Variants in USP54 observed in about 807,000 individuals in gnomAD.
USP54 encodes ubiquitin specific peptidase 54.
Under a neutral mutation model 170.5 loss-of-function variants are expected in USP54, and 87 were observed. The observed-to-expected ratio is 0.51, with a 90% confidence interval of 0.43 to 0.61. The LOEUF (loss-of-function observed/expected upper bound fraction) is 0.61, where lower values mean the gene tolerates loss of function less well. Among genes scored for constraint, USP54 ranks in the 20% least tolerant of loss-of-function variants. The pLI is 0.00. For missense variants in USP54, 1,786 were observed against 2,047.8 expected (o/e 0.87, Z 2.47); for synonymous variants, 655 against 742.8 (o/e 0.88, Z 1.92).
chr10:73,502,254 A>G (rs776261855), intron 22 of USP54, among the ~76,000 whole-genome samples: 1 of 152,190 alleles, frequency 6.6e-6, no homozygotes, highest in Non-Finnish European at 1.5e-5. Flanking sequence ...CATTTATCAT[A>G]CTGCCTAAGG....
intron 15 of USP54, 193 bp downstream of exon 15, chr10:73,529,487 A>G (rs745531006): frequency 3.0e-6 from 2 of 673,682 alleles, no homozygotes; most frequent in Non-Finnish European, 5.3e-6. Context: ...TTTCAAATAG[A>G]AAGTTCTCTC....
At chr10:73,572,357 T>G (rs1055761739) in intron 3 of USP54, among the ~76,000 whole-genome samples, 1 of 152,128 alleles carries the variant, frequency 6.6e-6, no homozygotes, top group African/African-American at 2.4e-5. Context: ...AGGTAAAAAC[T>G]AAGGAAATCT....
chr10:73,549,277 T>G (rs1461819890), intron 4 of USP54, among the ~76,000 whole-genome samples: 1 of 152,154 alleles, frequency 6.6e-6, no homozygotes, highest in Non-Finnish European at 1.5e-5. Flanking sequence ...ACATTGACAA[T>G]TCCCAAAATT....
rs2058836648 is a variant in USP54 at position 73,504,937 on chromosome 10, A to G, written c.4224T>C (p.Ser1408=). ...GTGAGATGCGACGTAAATTCTCTGC[A>G]CTGTACTGCTCATCCTCCCCACACT... ...SRECGEDEQY[S]AENLRRISRS... is the part of the protein sequence containing the mutation. The change falls in exon 22 of 24, where the codon AGT becomes AGC. Residue 1408 remains serine, a synonymous_variant. Coordinates refer to ENST00000687698, the MANE Select transcript of USP54 (RefSeq NM_001391956.1). The G allele has an allele frequency of 2.5e-6, 4 of 1,613,988 alleles. No homozygotes were observed. Among genetic ancestry groups the G allele is most frequent in the African/African-American group, 1.3e-5 (1 of 74,902 alleles).
At chr10:73,614,274 T>C (rs946666936) in intron 1 of USP54, among the ~76,000 whole-genome samples, 1 of 149,640 alleles carries the variant, frequency 6.7e-6, no homozygotes, top group Non-Finnish European at 1.5e-5. Flanking sequence ...AATAAACACA[T>C]GCAGGCTAGG....
chr10:73,508,284 G>A (rs1220874122), intron 20 of USP54, among the ~76,000 whole-genome samples: 2 of 151,902 alleles, frequency 1.3e-5, no homozygotes, highest in East Asian at 1.9e-4. Context: ...GTGTGCGCCT[G>A]TAGTCCCAGC....
At chr10:73,591,001 A>T (rs183117587) in intron 1 of USP54, among the ~76,000 whole-genome samples, 5,316 of 147,372 alleles carry the variant, frequency 0.036, 150 homozygotes, top group South Asian at 0.12. Flanking sequence ...AAATCTATGA[A>T]TTTTTTTTTT....
intron 1 of USP54, among the ~76,000 whole-genome samples, chr10:73,615,867 C>A (rs186960293): frequency 7.6e-6 from 1 of 131,234 alleles, no homozygotes; most frequent in Non-Finnish European, 1.5e-5. Context: ...CTGTAGTGAG[C>A]GAAATCACTC....
chr10:73,506,993 A>G (rs2059244086), intron 20 of USP54: 1 of 152,182 alleles, frequency 6.6e-6, no homozygotes, highest in Admixed American at 6.6e-5. Context: ...ATGCCCACCT[A>G]TAGAAGAATA....
chr10:73,579,984 C>T (rs779180221), intron 1 of USP54, among the ~76,000 whole-genome samples: 3 of 151,944 alleles, frequency 2.0e-5, no homozygotes, highest in Non-Finnish European at 4.4e-5. Flanking sequence ...ATAACAAGTG[C>T]CGATGAGGAA....
Position 73,498,805 on chromosome 10 carries a change from G to C in USP54, c.4879C>G (p.Arg1627Gly). The change falls in exon 24 of 24, where the codon CGA (arginine) becomes GGA (glycine). Residue 1627 changes from arginine to glycine, a missense_variant. By Grantham distance (125) the Arg-to-Gly change is moderately radical. Coordinates refer to ENST00000687698, the MANE Select transcript of USP54 (RefSeq NM_001391956.1). ...TCTACTCTTCGAGGACCAGGGGTTC[G>C]GGACCCTGGAACAGGATCTGAATTC... is the stretch of plus-strand genomic sequence containing the variant. Reference protein sequence around the residue: ...AWNSDPVPGSRTPGPRRVDMP... With the variant: ...AWNSDPVPGSGTPGPRRVDMP... The C allele has an allele frequency of 6.2e-7, 1 of 1,613,022 alleles. No homozygotes were observed. The highest frequency in any genetic ancestry group is 8.5e-7 in the Non-Finnish European group (1 of 1,179,434).
Position 73,498,807 on chromosome 10 carries a change from G to C in USP54, c.4877C>G (p.Ser1626Cys), listed in dbSNP as rs951610996. The change falls in exon 24 of 24, where the codon TCC (serine) becomes TGC (cysteine). Residue 1626 changes from serine to cysteine, a missense_variant. Physicochemically the swap from Ser to Cys is moderately radical, Grantham distance 112. Transcript: ENST00000687698. ...TACTCTTCGAGGACCAGGGGTTCGG[G>C]ACCCTGGAACAGGATCTGAATTCCA... ...SAWNSDPVPGSRTPGPRRVDM... is the reference protein window; with the variant it reads ...SAWNSDPVPGCRTPGPRRVDM... 1 of 1,611,534 alleles carries C rather than the reference G, an allele frequency of 6.2e-7. No homozygotes were observed. The highest frequency in any genetic ancestry group is 1.7e-5 in the Admixed American group (1 of 59,892).
rs1236564535 is a variant in USP54, at chr10:73,520,936, T to G, written c.2454A>C (p.Ala818=). Residue 818 remains alanine (A), a synonymous_variant, in exon 18 of 24, where the codon GCA becomes GCC. Coordinates refer to ENST00000687698, the MANE Select transcript of USP54 (RefSeq NM_001391956.1). ...TAGCTTCATTACAGAGAGCCAAAGC[T>G]GCAGCACAGTCTCCTTTCTGTTCCA... ...LHLEQKGDCA[A]ALALCNEAIS... 1 of 1,614,194 alleles carries G rather than the reference T, an allele frequency of 6.2e-7. No individual in the cohort carries two copies. The highest frequency in any genetic ancestry group is 8.5e-7 in the Non-Finnish European group (1 of 1,180,046).
chr10:73,571,190 A>G (rs1053589418), intron 4 of USP54, among the ~76,000 whole-genome samples: 4 of 151,540 alleles, frequency 2.6e-5, no homozygotes, highest in Non-Finnish European at 5.9e-5. Flanking sequence ...ATAGTATTCT[A>G]TCACATCAAA....
chr10:73,589,794 G>T (rs1011932691), intron 1 of USP54, among the ~76,000 whole-genome samples: 2 of 152,106 alleles, frequency 1.3e-5, no homozygotes, highest in African/African-American at 4.8e-5. Context: ...CTGGGAGGGC[G>T]ACAGAGGATA....
chr10:73,603,369 G>A (rs1198850610), intron 1 of USP54, among the ~76,000 whole-genome samples: 1 of 152,110 alleles, frequency 6.6e-6, no homozygotes, highest in Non-Finnish European at 1.5e-5. Context: ...CATGAGATGG[G>A]AGAAAATATT....
chr10:73,517,924 T>C (rs919346836), intron 19 of USP54, among the ~76,000 whole-genome samples, 177 bp from the exon 20 acceptor site: 3 of 152,144 alleles, frequency 2.0e-5, no homozygotes, highest in African/African-American at 7.2e-5. Flanking sequence ...AAAAGGCACA[T>C]GGTCAGCTCA....
At position 73,545,554 on chromosome 10, in the gene USP54, T is replaced by C; in HGVS notation, c.359A>G (p.Asp120Gly). ...EQRFQLGIMD[D>G]AAECFENLLM... ...AGCACTTACAAAGCACTCTGCAGCA[T>C]CATCCATAATTCCCAGCTGGAAACG... Residue 120 changes from aspartate to glycine, a missense_variant, in exon 5 of 24, where the codon GAT becomes GGT. By Grantham distance (94) the Asp-to-Gly change is moderately conservative. Transcript: ENST00000687698. The C allele has an allele frequency of 6.2e-7, 1 of 1,614,154 alleles. No individual in the cohort carries two copies.
chr10:73,584,077 C>A (rs1312120034), intron 1 of USP54, among the ~76,000 whole-genome samples: 2 of 151,998 alleles, frequency 1.3e-5, no homozygotes, highest in Non-Finnish European at 2.9e-5. Flanking sequence ...GTAGATGGAC[C>A]AAGATTGATT....
Sources: allele counts gnomAD v4.1 joint callset (sites outside exome capture counted in the v4.1 genomes callset), GRCh38; gene constraint gnomAD v4.1.1; transcripts MANE v1.5; gene names NCBI Gene and HGNC (gene_info 2026-07-23, HGNC 2026-07-21).